DLC1: variants seen among roughly 807,000 people sequenced by gnomAD.
DLC1 encodes the protein rho GTPase-activating protein 7.
In DLC1, 54 loss-of-function variants were observed where a neutral mutation model predicts 140.3. The ratio of observed to expected loss-of-function variants is 0.38; its 90% CI spans 0.31 to 0.48. The LOEUF (loss-of-function observed/expected upper bound fraction) is 0.48. Among genes scored for constraint, DLC1 ranks in the 20% least tolerant of loss-of-function variants. The pLI is 0.96. For missense variants in DLC1, 2,536 were observed against 1,907.0 expected (o/e 1.33, Z -6.14); for synonymous variants, 986 against 728.1 (o/e 1.35, Z -5.70).
intron 1 of DLC1, among the ~76,000 whole-genome samples, chr8:13,592,734 G>C (rs939713809): frequency 6.6e-6 from 1 of 152,078 alleles, no homozygotes; most frequent in Non-Finnish European, 1.5e-5. Flanking sequence ...GTGTTCAGCA[G>C]AGGACACTAC....
chr8:13,392,933 C>G (rs1836830347), intron 4 of DLC1, among the ~76,000 whole-genome samples: 1 of 152,126 alleles, frequency 6.6e-6, no homozygotes, highest in Admixed American at 6.5e-5. Flanking sequence ...TCACTAAGCA[C>G]TTTTTATATG....
chr8:13,418,794 T>C (rs1838187406), intron 2 of DLC1, among the ~76,000 whole-genome samples: 1 of 152,154 alleles, frequency 6.6e-6, no homozygotes. Flanking sequence ...AATCTATAAA[T>C]TACCTTGGGC....
intron 5 of DLC1, among the ~76,000 whole-genome samples, chr8:13,120,574 A>G (rs1408528258): frequency 6.6e-6 from 1 of 151,752 alleles, no homozygotes; most frequent in African/African-American, 2.4e-5. Context: ...AATTACGAGG[A>G]TGATTTTTTT....
chr8:13,137,441 C>A (rs975186455), intron 5 of DLC1, among the ~76,000 whole-genome samples: 2 of 142,230 alleles, frequency 1.4e-5, no homozygotes, highest in Admixed American at 7.3e-5. Context: ...TGTTTCAATA[C>A]ATCAAAATGA....
intron 4 of DLC1, among the ~76,000 whole-genome samples, chr8:13,370,456 C>T (rs1413743139): frequency 6.6e-6 from 1 of 152,064 alleles, no homozygotes; most frequent in African/African-American, 2.4e-5. Flanking sequence ...ATGTCTAAAA[C>T]CACCTGTCTG....
At chr8:13,497,362 A>G (rs551790591) in intron 2 of DLC1, among the ~76,000 whole-genome samples, 4 of 152,302 alleles carry the variant, frequency 2.6e-5, no homozygotes, top group African/African-American at 9.6e-5. Context: ...TCCCAACCTA[A>G]AAGTTTTCAT....
intron 5 of DLC1, among the ~76,000 whole-genome samples, chr8:13,177,967 T>C (rs1585848065): frequency 6.6e-6 from 1 of 152,176 alleles, no homozygotes; most frequent in Non-Finnish European, 1.5e-5. Context: ...TTTCAGATTA[T>C]AGGAAATATT....
At chr8:13,454,047 C>T (rs1050112953) in intron 2 of DLC1, among the ~76,000 whole-genome samples, 1 of 152,012 alleles carries the variant, frequency 6.6e-6, no homozygotes, top group Non-Finnish European at 1.5e-5. Context: ...GTTTTAATTG[C>T]CACTGTACTG....
chr8:13,567,826 T>G (rs1563446287), intron 1 of DLC1: 2 of 1,551,832 alleles, frequency 1.3e-6, no homozygotes. Flanking sequence ...TTTTGAAAGA[T>G]CAGAGACAGA....
chr8:13,501,049 C>A lies in DLC1; in HGVS notation c.-125-853G>T, dbSNP rs535889242. On this transcript the variant is annotated intron_variant, in intron 1 of 17. Transcript: ENST00000276297. ...TGAGATTCTACCTTCATCCCTTCTTCCCACATAACTTTAGTATGTGTAAAC... is the reference window on the plus strand; with the variant it reads ...TGAGATTCTACCTTCATCCCTTCTTACCACATAACTTTAGTATGTGTAAAC... Among the ~76,000 whole-genome samples, 34 of 152,280 alleles carry A rather than the reference C, an allele frequency of 2.2e-4. No individual in the cohort carries two copies. In the South Asian group the frequency reaches 6.6e-3, roughly 30 times the overall value.
intron 4 of DLC1, among the ~76,000 whole-genome samples, chr8:13,313,106 C>T (rs780973108): frequency 1.3e-5 from 2 of 152,124 alleles, no homozygotes; most frequent in African/African-American, 4.8e-5. Context: ...ACTAAGGCAA[C>T]GTCCCTGCTG....
At chr8:13,168,363 G>C (rs867784999) in intron 5 of DLC1, among the ~76,000 whole-genome samples, 2 of 152,114 alleles carry the variant, frequency 1.3e-5, no homozygotes, top group African/African-American at 4.8e-5. Context: ...TCTAGATCTC[G>C]TTCCAGTTGT....
chr8:13,568,157 G>C (rs781400973), intron 1 of DLC1: 1 of 557,486 alleles, frequency 1.8e-6, no homozygotes, highest in Non-Finnish European at 3.1e-6. Context: ...TATGTTGGTA[G>C]TTTGGGCCAG....
chr8:13,304,804 T>C (rs1832349452), intron 5 of DLC1: 1 of 965,848 alleles, frequency 1.0e-6, no homozygotes, highest in Non-Finnish European at 1.2e-6. Flanking sequence ...AGAAAAATAC[T>C]ATAATTTTTT....
intron 5 of DLC1, among the ~76,000 whole-genome samples, chr8:13,259,378 T>G (rs1324646587): frequency 1.3e-5 from 2 of 152,082 alleles, no homozygotes; most frequent in Non-Finnish European, 1.5e-5. Context: ...TACACGATCT[T>G]AATTTTACAG....
chr8:13,476,052 C>T (rs143779351), intron 2 of DLC1, among the ~76,000 whole-genome samples: 4 of 152,206 alleles, frequency 2.6e-5, no homozygotes, highest in South Asian at 2.1e-4. Flanking sequence ...TAGGTTGCCT[C>T]GTGAAGCAGA....
chr8:13,264,213 C>T (rs1253557611), intron 5 of DLC1, among the ~76,000 whole-genome samples: 19 of 151,932 alleles, frequency 1.3e-4, no homozygotes. Flanking sequence ...GGATTACAGG[C>T]AGCAGTCACC....
chr8:13,378,762 ATT>A (rs1836112940), intron 4 of DLC1, among the ~76,000 whole-genome samples: 1 of 152,124 alleles, frequency 6.6e-6, no homozygotes, highest in Non-Finnish European at 1.5e-5. Flanking sequence ...TAAAACTTTG[ATT>A]TAATTTAGTT....
chr8:13,165,000 A>T (rs999110294), intron 5 of DLC1, among the ~76,000 whole-genome samples: 12 of 152,162 alleles, frequency 7.9e-5, no homozygotes, highest in African/African-American at 2.2e-4. Flanking sequence ...AGAAATTGTC[A>T]TCTGAATATG....
Sources: allele counts gnomAD v4.1 joint callset (sites outside exome capture counted in the v4.1 genomes callset), GRCh38; gene constraint gnomAD v4.1.1; transcripts MANE v1.5; gene names NCBI Gene and HGNC (gene_info 2026-07-23, HGNC 2026-07-21).